Variants in BCAS3 observed in about 807,000 individuals in gnomAD.
BCAS3 encodes BCAS3 microtubule associated cell migration factor.
BCAS3 carries 53 observed loss-of-function variants against 116.1 expected under a neutral mutation model. That is an observed-to-expected ratio of 0.46 (90% CI 0.37 to 0.57). The LOEUF is 0.57. Ranked by LOEUF, BCAS3 falls within the 20% of genes least tolerant of loss-of-function variation. BCAS3 has a pLI of 0.00. For missense variants in BCAS3, 917 were observed against 1,165.4 expected, an observed-to-expected ratio of 0.79 and a Z score of 3.10; for synonymous variants, 391 against 408.2, an observed-to-expected ratio of 0.96 and a Z score of 0.51.
At chr17:61,218,012 GC>G (rs1380769054) in intron 22 of BCAS3, among the ~76,000 whole-genome samples, 1 of 152,080 alleles carries the variant, frequency 6.6e-6, no homozygotes, top group Non-Finnish European at 1.5e-5. Flanking sequence ...TCTCCAAGTA[GC>G]TCTCCATTTC....
At position 61,050,989 on chromosome 17, in the gene BCAS3, C is replaced by T. The variant is rs531523644; in HGVS notation, c.2029+10097C>T. ...TACAGAAAGATCTTTGGAAAGTGCA[C>T]AAATATTTGGAAACTAACACACTTT... On this transcript the variant is annotated intron_variant, in intron 19 of 23. Transcript: ENST00000407086. 2.0e-5 allele frequency among the ~76,000 whole-genome samples: 3 copies of T among 152,060 alleles called. No homozygotes were observed. The South Asian group carries it at 6.2e-4, about 32-fold the overall frequency.
At chr17:60,763,598 C>A (rs1401022456) in intron 6 of BCAS3, among the ~76,000 whole-genome samples, 4 of 152,092 alleles carry the variant, frequency 2.6e-5, no homozygotes, top group Non-Finnish European at 5.9e-5. Flanking sequence ...TTCAGTTTGC[C>A]AGTATTTTAT....
intron 22 of BCAS3, among the ~76,000 whole-genome samples, chr17:61,112,780 A>G (rs1417055438): frequency 1.3e-5 from 2 of 151,890 alleles, no homozygotes; most frequent in Non-Finnish European, 1.5e-5. Context: ...TCAACAGAAT[A>G]TACATTTTTT....
intron 22 of BCAS3, among the ~76,000 whole-genome samples, chr17:61,232,221 AGAAAG>A (rs2082730567): frequency 6.7e-6 from 1 of 149,448 alleles, no homozygotes; most frequent in Admixed American, 6.7e-5. Context: ...AAAAAAAAAA[AGAAAG>A]AGAAAAAGAA....
chr17:61,044,263 C>T (rs907117569), intron 19 of BCAS3, among the ~76,000 whole-genome samples: 12 of 151,390 alleles, frequency 7.9e-5, no homozygotes, highest in South Asian at 2.1e-4. Context: ...CTGGCTAACA[C>T]GGTGAAACAC....
intron 12 of BCAS3, among the ~76,000 whole-genome samples, chr17:60,923,794 A>G (rs557300442): frequency 6.6e-6 from 1 of 152,302 alleles, no homozygotes; most frequent in East Asian, 1.9e-4. Flanking sequence ...TCCATTTGAG[A>G]TACAGAGGTA....
At chr17:61,269,144 C>T (rs1392754696) in intron 22 of BCAS3, among the ~76,000 whole-genome samples, 5 of 143,242 alleles carry the variant, frequency 3.5e-5, no homozygotes, top group East Asian at 2.0e-4. Flanking sequence ...AATGGAGTTT[C>T]GCTCTTGTTG....
chr17:60,799,708 CTTTT>C (rs67510415), intron 6 of BCAS3, among the ~76,000 whole-genome samples: 2 of 49,838 alleles, frequency 4.0e-5, no homozygotes, highest in African/African-American at 7.8e-5. Context: ...TTTTTCTTTT[CTTTT>C]TTTTTTTTTT....
intron 22 of BCAS3, among the ~76,000 whole-genome samples, chr17:61,240,107 A>ACAG (rs59917361): frequency 0.14 from 21,440 of 151,828 alleles, 1,800 homozygotes; most frequent in African/African-American, 0.23. Flanking sequence ...TGCTGTCTCA[A>ACAG]CAGCAGCAGC....
In BCAS3 at chr17:60,980,211, C is replaced by T. The variant is rs180840408; in HGVS notation, c.1222-9760C>T. On this transcript the variant is annotated intron_variant, in intron 14 of 23. Coordinates refer to ENST00000407086, the MANE Select transcript of BCAS3 (RefSeq NM_017679.5). Reference sequence around the variant, plus strand: ...TCTATTCAGAGATTAAACTTCTGGGCGGAAGCACTTTCTAAGTGGCTACAC... The same window carrying T: ...TCTATTCAGAGATTAAACTTCTGGGTGGAAGCACTTTCTAAGTGGCTACAC... 2.0e-4 allele frequency among the ~76,000 whole-genome samples: 31 copies of T among 152,172 alleles called. No homozygotes were observed. The East Asian group carries it at 5.0e-3, about 25-fold the overall frequency.
chr17:61,357,860 G>A (rs541730575), intron 22 of BCAS3, among the ~76,000 whole-genome samples: 58 of 151,900 alleles, frequency 3.8e-4, no homozygotes, highest in Middle Eastern at 3.4e-3. Context: ...AGGCCGAGAC[G>A]GGTGGATCAC....
rs191924681 is a variant in BCAS3, at chr17:60,810,466, G to A, written c.476+2390G>A. On this transcript the variant is annotated intron_variant, in intron 7 of 23. Coordinates refer to ENST00000407086, the MANE Select transcript of BCAS3 (RefSeq NM_017679.5). Reference sequence around the variant, plus strand: ...CTCCTGCCTGGACAGAGCAAGGAGCGTGGAGACCGGAAACCAGAAGCTGGA... The same window carrying A: ...CTCCTGCCTGGACAGAGCAAGGAGCATGGAGACCGGAAACCAGAAGCTGGA... The A allele has an allele frequency of 4.7e-4, 312 of 659,722 alleles. 1 individual carries two copies. Among genetic ancestry groups the A allele is most frequent in the South Asian group, 3.8e-3 (279 of 72,664 alleles). The allele number at this position is 659,722 out of a possible 1,614,324, so 40.9% of individuals were successfully genotyped here. A position where few individuals can be genotyped will look rare whatever the true frequency, so the allele number is the denominator to read the frequency against.
intron 22 of BCAS3, among the ~76,000 whole-genome samples, chr17:61,293,689 G>T (rs1488714026): frequency 6.6e-6 from 1 of 152,150 alleles, no homozygotes; most frequent in Non-Finnish European, 1.5e-5. Context: ...AAGACTATGG[G>T]GCTGGTGCTA....
rs1470388996 is a variant in BCAS3, at chr17:61,307,626, T to C, written c.2426-60701T>C. Among the ~76,000 whole-genome samples, 17 of 152,222 alleles carry C rather than the reference T, an allele frequency of 1.1e-4. No homozygotes were observed. ...TAGCGTTCATAAATAAAAGGAGCTA[T>C]ATAAATCTGAGAAACTGTAGAGAGG... On this transcript the variant is annotated intron_variant, in intron 22 of 23. Transcript: ENST00000407086. The surrounding 1 kb of genome is among the most constrained non-coding windows in gnomAD (Gnocchi z 4.7).
intron 7 of BCAS3, among the ~76,000 whole-genome samples, chr17:60,820,073 CTTTTTTTT>C (rs374234519): frequency 6.2e-5 from 9 of 145,580 alleles, no homozygotes; most frequent in African/African-American, 2.3e-4. Context: ...ATCTTTTTTT[CTTTTTTTT>C]TTTTTCTGAG....
At chr17:61,069,919 G>T (rs762988823) in intron 19 of BCAS3, 1 of 1,518,066 alleles carries the variant, frequency 6.6e-7, no homozygotes, top group Non-Finnish European at 9.0e-7. Flanking sequence ...TAAAGCCGAA[G>T]CCAAAGCGAA....
intron 11 of BCAS3, among the ~76,000 whole-genome samples, chr17:60,908,927 A>AAGATT (rs2058337822): frequency 6.6e-6 from 1 of 152,190 alleles, no homozygotes. Flanking sequence ...CACAAGTAGT[A>AAGATT]ACAGAAATAG....
At chr17:61,254,442 T>A (rs2048608189) in intron 22 of BCAS3, among the ~76,000 whole-genome samples, 1 of 152,162 alleles carries the variant, frequency 6.6e-6, no homozygotes, top group Admixed American at 6.5e-5. Context: ...TAGTGTCAAG[T>A]CAGTTTTCCT....
At chr17:61,175,242 G>A (rs968155454) in intron 22 of BCAS3, among the ~76,000 whole-genome samples, 5 of 152,118 alleles carry the variant, frequency 3.3e-5, no homozygotes, top group African/African-American at 1.2e-4. Flanking sequence ...CCCCATCTCT[G>A]TAAAAAATAT....
Sources: allele counts gnomAD v4.1 joint callset (sites outside exome capture counted in the v4.1 genomes callset), GRCh38; gene constraint gnomAD v4.1.1; non-coding constraint Gnocchi (gnomAD v3.1); transcripts MANE v1.5; gene names NCBI Gene and HGNC (gene_info 2026-07-23, HGNC 2026-07-21).